Variants in ROCK1 observed in about 807,000 individuals in gnomAD.
ROCK1 encodes the protein Rho associated coiled-coil containing protein kinase 1, also known as rho-associated protein kinase 1.
In ROCK1, 36 loss-of-function variants were observed where a neutral mutation model predicts 196.8. The observed-to-expected ratio is 0.18, with a 90% CI of 0.14 to 0.24. ROCK1 has a LOEUF of 0.24. Among genes scored for constraint, ROCK1 ranks in the 10% least tolerant of loss-of-function variants. The pLI, the probability that ROCK1 is intolerant of heterozygous loss-of-function variation, is 1.00. For missense variants in ROCK1, 920 were observed against 1,562.0 expected (o/e 0.59, Z 6.93); for synonymous variants, 443 against 515.9 (o/e 0.86, Z 1.91).
At chr18:21,009,321 T>C (rs1358461967) in intron 13 of ROCK1, among the ~76,000 whole-genome samples, 1 of 140,260 alleles carries the variant, frequency 7.1e-6, no homozygotes, top group East Asian at 2.1e-4. Flanking sequence ...CCAAGACAGG[T>C]TTTTTTTTTT....
At chr18:21,093,001 G>A (rs9952792) in intron 1 of ROCK1, among the ~76,000 whole-genome samples, 5,577 of 152,222 alleles carry the variant, frequency 0.037, 339 homozygotes, top group African/African-American at 0.13. Context: ...TCATGCAACC[G>A]TAATGTATCT....
intron 32 of ROCK1, among the ~76,000 whole-genome samples, chr18:20,952,305 C>T (rs2035196418): frequency 6.6e-6 from 1 of 151,982 alleles, no homozygotes; most frequent in Admixed American, 6.5e-5. Flanking sequence ...TAGCTTGAAC[C>T]TGGGAGGCAG....
intron 1 of ROCK1, among the ~76,000 whole-genome samples, chr18:21,105,256 G>GT (rs1308754608): frequency 2.6e-5 from 4 of 152,126 alleles, no homozygotes; most frequent in African/African-American, 9.7e-5. Flanking sequence ...TTCAATCCAA[G>GT]TTTAGGCCCT....
At position 20,949,253 on chromosome 18, in the gene ROCK1, ACAC is replaced by A. The variant is rs1203394837; in HGVS notation, c.*2128_*2130del. 1 of 152,014 alleles carries A rather than the reference ACAC, an allele frequency of 6.6e-6. No homozygotes were observed. The highest frequency in any genetic ancestry group is 2.4e-5 in the African/African-American group (1 of 41,388). The allele number at this position is 152,014 out of a possible 1,614,324, so 9.4% of individuals were successfully genotyped here. On this transcript the variant is annotated 3_prime_UTR_variant, in exon 33 of 33. Coordinates refer to ENST00000399799, the MANE Select transcript of ROCK1 (RefSeq NM_005406.3). ...TGATGAGTCTGAGAAGGTAGTAAGG[ACAC>A]CGTCAGGAACTGTGCTGAGATTTTA...
At chr18:20,952,283 G>A (rs145929270) in intron 32 of ROCK1, among the ~76,000 whole-genome samples, 68 of 152,204 alleles carry the variant, frequency 4.5e-4, no homozygotes, top group African/African-American at 1.6e-3. Flanking sequence ...TCAGGAGGCT[G>A]AGGTGGGAGA....
chr18:20,964,794 TCTGAAACCTAAATGGATTC>T (rs1405850481), intron 27 of ROCK1, among the ~76,000 whole-genome samples: 1 of 152,206 alleles, frequency 6.6e-6, no homozygotes, highest in Non-Finnish European at 1.5e-5. Flanking sequence ...AGGTCAGGAT[TCTGAAACCTAAATGGATTC>T]CCAGCCTAAG....
chr18:21,060,179 C>T (rs775978862), intron 2 of ROCK1, among the ~76,000 whole-genome samples: 11 of 152,122 alleles, frequency 7.2e-5, no homozygotes, highest in Admixed American at 3.3e-4. Context: ...ATACTTCAAA[C>T]GGGTGAATTT....
chr18:20,980,933 A>G (rs2143386792), intron 21 of ROCK1, among the ~76,000 whole-genome samples: 1 of 151,396 alleles, frequency 6.6e-6, no homozygotes, highest in Admixed American at 6.6e-5. Context: ...AAAAAAAAAA[A>G]GACATTATAG....
intron 2 of ROCK1, among the ~76,000 whole-genome samples, chr18:21,057,039 G>A (rs192529341): frequency 6.6e-6 from 1 of 152,182 alleles, no homozygotes; most frequent in Non-Finnish European, 1.5e-5. Context: ...TTAAACTGTT[G>A]TATCTTTTCC....
rs1398280723 is a variant in ROCK1 at position 20,947,364 on chromosome 18, CATTTA to C, written c.*4015_*4019del. 2 of 151,842 alleles carry C rather than the reference CATTTA, an allele frequency of 1.3e-5. No homozygotes were observed. Among genetic ancestry groups the C allele is most frequent in the Admixed American group, 1.3e-4 (2 of 15,232 alleles). 9.4% of individuals were successfully genotyped at this position (151,842 alleles called of 1,614,324 possible). On this transcript the variant is annotated 3_prime_UTR_variant, in exon 33 of 33. Transcript: ENST00000399799. The stretch of plus-strand genomic sequence containing the variant: ...TGACTTTCTACTAGAATATTCTTTG[CATTTA>C]ATTTATTGCAATAAGCATAGATCTT...
intron 1 of ROCK1, among the ~76,000 whole-genome samples, chr18:21,100,748 G>A (rs934919444): frequency 6.6e-6 from 1 of 152,096 alleles, no homozygotes. Flanking sequence ...GGAGAATAAG[G>A]GTAGGGGATA....
intron 2 of ROCK1, among the ~76,000 whole-genome samples, chr18:21,054,808 G>A (rs2036233334): frequency 6.6e-6 from 1 of 151,810 alleles, no homozygotes; most frequent in Non-Finnish European, 1.5e-5. Context: ...CCTTACCTTG[G>A]TCACTCATTT....
intron 12 of ROCK1, among the ~76,000 whole-genome samples, chr18:21,018,617 T>C (rs1030334965): frequency 3.9e-5 from 6 of 152,164 alleles, no homozygotes; most frequent in African/African-American, 1.2e-4. Context: ...ATTTACATAT[T>C]TTATACTTAG....
At position 20,950,075 on chromosome 18, in the gene ROCK1, G is replaced by A. The variant is rs1300701338; in HGVS notation, c.*1309C>T. 6.6e-6 allele frequency: 1 copy of A among 152,584 alleles called. No homozygotes were observed. Among genetic ancestry groups the A allele is most frequent in the African/African-American group, 2.4e-5 (1 of 41,408 alleles). The allele number at this position is 152,584 out of a possible 1,614,324, so 9.5% of individuals were successfully genotyped here. On this transcript the variant is annotated 3_prime_UTR_variant, in exon 33 of 33. Transcript: ENST00000399799. ...CTGCAAAGCCATTATAAATTACTGA[G>A]GAGGTATTTGGTTAAAAAAATAAAC...
chr18:20,988,054 T>C (rs575675583), intron 18 of ROCK1, among the ~76,000 whole-genome samples: 2 of 152,116 alleles, frequency 1.3e-5, no homozygotes, highest in Non-Finnish European at 2.9e-5. Flanking sequence ...CCAACCCCAG[T>C]TAGACTCAGT....
chr18:21,062,098 C>A (rs1194594202), intron 2 of ROCK1, among the ~76,000 whole-genome samples: 1 of 152,114 alleles, frequency 6.6e-6, no homozygotes, highest in Non-Finnish European at 1.5e-5. Context: ...CTGAGAGGGC[C>A]TTGAAACAGT....
chr18:21,091,710 C>A (rs1358237483), intron 1 of ROCK1, among the ~76,000 whole-genome samples: 2 of 152,188 alleles, frequency 1.3e-5, no homozygotes, highest in Admixed American at 1.3e-4. Flanking sequence ...GTGGCTCACA[C>A]CTGTAATCCC....
intron 23 of ROCK1, chr18:20,969,418 AGATAT>A (rs2035405412): frequency 7.5e-6 from 3 of 398,540 alleles, no homozygotes; most frequent in Non-Finnish European, 1.3e-5. Flanking sequence ...GTATGCATAT[AGATAT>A]ATGTATGAAC....
At chr18:21,035,953 C>T (rs1304311731) in intron 9 of ROCK1, among the ~76,000 whole-genome samples, 4 of 152,002 alleles carry the variant, frequency 2.6e-5, no homozygotes, top group Non-Finnish European at 2.9e-5. Flanking sequence ...TTTAGGATGA[C>T]GAAAAAGTTC....
Sources: allele counts gnomAD v4.1 joint callset (sites outside exome capture counted in the v4.1 genomes callset), GRCh38; gene constraint gnomAD v4.1.1; transcripts MANE v1.5; gene names NCBI Gene and HGNC (gene_info 2026-07-23, HGNC 2026-07-21).